IL1RAPL2: variants seen among roughly 807,000 people sequenced by gnomAD.
IL1RAPL2 encodes the protein interleukin 1 receptor accessory protein like 2.
In IL1RAPL2, 3 loss-of-function variants were observed where a neutral mutation model predicts 44.1. The observed-to-expected ratio is 0.07, with a 90% CI of 0.03 to 0.18. The LOEUF is 0.18. Ranked by LOEUF, IL1RAPL2 falls within the 10% of genes least tolerant of loss-of-function variation. The pLI is 1.00. For missense variants in IL1RAPL2, 391 were observed against 496.4 expected (o/e 0.79, Z 2.02); for synonymous variants, 181 against 178.8 (o/e 1.01, Z -0.10).
chrX:104,816,342 T>G (rs1406157487), intron 2 of IL1RAPL2, among the ~76,000 whole-genome samples: 1 of 112,052 alleles, frequency 8.9e-6, no homozygotes, highest in Non-Finnish European at 1.9e-5. Context: ...CTATTTCTAT[T>G]ATTGGAGAAA....
At chrX:104,677,677 C>G (rs1179719538) in intron 2 of IL1RAPL2, among the ~76,000 whole-genome samples, 2 of 112,470 alleles carry the variant, frequency 1.8e-5, no homozygotes, top group Admixed American at 1.9e-4. Flanking sequence ...TAGGCAATGG[C>G]GGGCGCCCCT....
At chrX:105,412,297 A>G (rs1283581397) in intron 5 of IL1RAPL2, among the ~76,000 whole-genome samples, 2 of 74,838 alleles carry the variant, frequency 2.7e-5, no homozygotes, top group Non-Finnish European at 5.7e-5. Flanking sequence ...GAGTGATAAG[A>G]AAAATGTAGT....
At chrX:104,790,135 C>CA (rs772430838) in intron 2 of IL1RAPL2, among the ~76,000 whole-genome samples, 294 of 111,732 alleles carry the variant, frequency 2.6e-3, no homozygotes, top group Non-Finnish European at 4.7e-3. Context: ...ATAATAAATA[C>CA]AAAAAAATTT....
At chrX:104,808,101 C>A (rs1487681475) in intron 2 of IL1RAPL2, among the ~76,000 whole-genome samples, 1 of 111,897 alleles carries the variant, frequency 8.9e-6, no homozygotes, top group Admixed American at 9.5e-5. Flanking sequence ...ACCTTTAAGA[C>A]AGGTTATTTA....
intron 2 of IL1RAPL2, among the ~76,000 whole-genome samples, chrX:104,968,191 AC>A (rs909526810): frequency 4.5e-5 from 5 of 111,971 alleles, no homozygotes; most frequent in African/African-American, 1.6e-4. Flanking sequence ...AATAAAGTAG[AC>A]CAAGTTCAGT....
chrX:105,137,256 A>C (rs2033084604), intron 2 of IL1RAPL2, among the ~76,000 whole-genome samples: 1 of 112,388 alleles, frequency 8.9e-6, no homozygotes, highest in Non-Finnish European at 1.9e-5. Context: ...TCAATTAAAA[A>C]TTCACTTCCT....
intron 2 of IL1RAPL2, among the ~76,000 whole-genome samples, chrX:104,883,347 C>G (rs748952391): frequency 1.8e-5 from 2 of 111,203 alleles, no homozygotes; most frequent in East Asian, 5.7e-4. Context: ...TCTAACAACC[C>G]CCGACTCTTC....
intron 8 of IL1RAPL2, among the ~76,000 whole-genome samples, chrX:105,745,061 A>G (rs2038529689): frequency 9.0e-6 from 1 of 111,249 alleles, no homozygotes; most frequent in African/African-American, 3.3e-5. Context: ...AGTGCTCACA[A>G]TCCTAGAGGC....
intron 2 of IL1RAPL2, among the ~76,000 whole-genome samples, chrX:104,985,311 C>T (rs2030540704): frequency 0.05 from 1 of 20 alleles, no homozygotes; most frequent in African/African-American, 0.2. Flanking sequence ...TGGTCTCGAA[C>T]TCCTGGGTCA....
At chrX:105,396,276 T>A (rs2035561814) in intron 5 of IL1RAPL2, among the ~76,000 whole-genome samples, 1 of 108,564 alleles carries the variant, frequency 9.2e-6, no homozygotes, top group Non-Finnish European at 1.9e-5. Context: ...TAAGTAAATA[T>A]AATGATCAGG....
At chrX:104,822,629 A>G (rs1921333575) in intron 2 of IL1RAPL2, among the ~76,000 whole-genome samples, 1 of 112,168 alleles carries the variant, frequency 8.9e-6, no homozygotes, top group African/African-American at 3.2e-5. Context: ...TGGTACAAGT[A>G]CCAGTACCAT....
At chrX:105,660,351 A>G (rs1331841256) in intron 6 of IL1RAPL2, among the ~76,000 whole-genome samples, 1 of 111,610 alleles carries the variant, frequency 9.0e-6, no homozygotes, top group South Asian at 3.8e-4. Flanking sequence ...TCACCACCAG[A>G]CCTATCCTAC....
At chrX:105,311,314 C>T (rs1209168145) in intron 5 of IL1RAPL2, among the ~76,000 whole-genome samples, 2 of 109,110 alleles carry the variant, frequency 1.8e-5, no homozygotes, top group Non-Finnish European at 1.9e-5. Context: ...TAAGTTTATG[C>T]CTTCTATTTG....
chrX:105,296,705 C>T (rs762498880), intron 5 of IL1RAPL2, among the ~76,000 whole-genome samples: 5 of 112,422 alleles, frequency 4.4e-5, no homozygotes, highest in Non-Finnish European at 9.4e-5. Context: ...AATCAGAAGA[C>T]GTTGACACTA....
chrX:104,942,180 C>T (rs964431253), intron 2 of IL1RAPL2, among the ~76,000 whole-genome samples: 9 of 111,782 alleles, frequency 8.1e-5, no homozygotes, highest in East Asian at 2.8e-4. Flanking sequence ...CTTGGAAATG[C>T]GGGTTCTTTT....
chrX:105,050,918 T>G (rs1400918334), intron 2 of IL1RAPL2, among the ~76,000 whole-genome samples: 4 of 112,538 alleles, frequency 3.6e-5, no homozygotes, highest in Non-Finnish European at 7.5e-5. Flanking sequence ...TTTGTGCAGC[T>G]GGTCATCCAG....
chrX:104,929,860 T>A (rs1924855976), intron 2 of IL1RAPL2, among the ~76,000 whole-genome samples: 1 of 112,268 alleles, frequency 8.9e-6, no homozygotes, highest in Non-Finnish European at 1.9e-5. Flanking sequence ...ATAGAAATGA[T>A]GCCCTTTTAG....
At chrX:105,039,197 G>C (rs1439450847) in intron 2 of IL1RAPL2, among the ~76,000 whole-genome samples, 1 of 111,724 alleles carries the variant, frequency 9.0e-6, no homozygotes, top group Non-Finnish European at 1.9e-5. Context: ...ATTTAGCTTA[G>C]TACAAGCTAC....
At chrX:105,663,335 A>C (rs2037734417) in intron 6 of IL1RAPL2, among the ~76,000 whole-genome samples, 1 of 112,385 alleles carries the variant, frequency 8.9e-6, no homozygotes. Context: ...TGTATCAAAA[A>C]AGTTTAAATT....
Sources: gnomAD v4.1 joint callset for allele counts (sites outside exome capture counted in the v4.1 genomes callset) on GRCh38, gnomAD v4.1.1 for gene constraint, MANE v1.5 for transcripts, NCBI Gene and HGNC (gene_info 2026-07-23, HGNC 2026-07-21) for gene names.